ZNF440: variants seen among roughly 807,000 people sequenced by gnomAD.
ZNF440 encodes zinc finger protein 440.
ZNF440 carries 47 observed loss-of-function variants against 49.7 expected under a neutral mutation model. The ratio of observed to expected loss-of-function variants is 0.95; its 90% CI spans 0.75 to 1.21. The LOEUF (loss-of-function observed/expected upper bound fraction) is 1.21. Among genes scored for constraint, ZNF440 ranks in the 50% most tolerant of loss-of-function variants. ZNF440 has a pLI of 0.00. For missense variants in ZNF440, 703 were observed against 715.0 expected, an observed-to-expected ratio of 0.98 and a Z score of 0.19; for synonymous variants, 255 against 237.7, an observed-to-expected ratio of 1.07 and a Z score of -0.67.
chr19:11,831,694 C>T lies in ZNF440; in HGVS notation c.518C>T (p.Ala173Val), dbSNP rs745789303. 10 of 1,613,418 alleles carry T rather than the reference C, an allele frequency of 6.2e-6. No individual in the cohort carries two copies. The highest frequency in any genetic ancestry group is 1.3e-5 in the African/African-American group (1 of 74,896). Residue 173 changes from alanine (A) to valine (V), a missense_variant, in exon 4 of 4, where the codon GCT becomes GTT. Transcript: ENST00000304060. ...GATCACACTGGAGAGAAACCCAATG[C>T]TTGTAAAGTATGTGGAAAAACCTTT... ...ERDHTGEKPN[A>V]CKVCGKTFIS...
At chr19:11,830,591 C>A (rs190069989) in intron 2 of ZNF440, 26 bp from the exon 3 acceptor site, 26 of 1,612,358 alleles carry the variant, frequency 1.6e-5, no homozygotes, top group East Asian at 2.2e-5. Flanking sequence ...TGCCTCAGGA[C>A]TATTTTTTCT....
At chr19:11,830,570 C>T (rs752765687) in intron 2 of ZNF440, 47 bp from the exon 3 acceptor site, 42 of 1,602,158 alleles carry the variant, frequency 2.6e-5, no homozygotes, top group Non-Finnish European at 3.4e-5. Flanking sequence ...AATTTTTTCA[C>T]AATTTTATAC....
intron 3 of ZNF440, 47 bp from the exon 4 acceptor site, chr19:11,831,321 A>G (rs1265049725): frequency 6.4e-7 from 1 of 1,569,864 alleles, no homozygotes; most frequent in Non-Finnish European, 8.6e-7. Context: ...TTAATATAGA[A>G]GTACTTATAA....
chr19:11,816,610 A>T (rs902315794), intron 1 of ZNF440: 1 of 152,174 alleles, frequency 6.6e-6, no homozygotes, highest in African/African-American at 2.4e-5. Context: ...AGAGCCAGTC[A>T]CTTCACTTAG....
chr19:11,823,615 T>TA (rs1351368569), intron 1 of ZNF440, among the ~76,000 whole-genome samples: 3 of 152,164 alleles, frequency 2.0e-5, no homozygotes, highest in Non-Finnish European at 4.4e-5. Context: ...TTTTGCATAA[T>TA]AATCATTTTA....
intron 1 of ZNF440, among the ~76,000 whole-genome samples, chr19:11,814,968 C>G (rs1288932222): frequency 6.6e-6 from 1 of 151,990 alleles, no homozygotes; most frequent in African/African-American, 2.4e-5. Flanking sequence ...ACTCGATAGG[C>G]TAAGGTTTAA....
rs1472129319 is a variant in ZNF440 at position 11,832,163 on chromosome 19, A to G, written c.987A>G (p.Thr329=). The change falls in exon 4 of 4, where the codon ACA becomes ACG. Residue 329 remains threonine, a synonymous_variant. Transcript: ENST00000304060. ...KALSSLTSFQ[T]HVRLHSGERP... Reference sequence around the variant, plus strand: ...TATCCTCTCTTACAAGTTTTCAAACACACGTAAGATTGCACTCTGGAGAAA... The same window carrying G: ...TATCCTCTCTTACAAGTTTTCAAACGCACGTAAGATTGCACTCTGGAGAAA... 2 of 1,614,238 alleles carry G rather than the reference A, an allele frequency of 1.2e-6. No homozygotes were observed. The highest frequency in any genetic ancestry group is 1.7e-5 in the Admixed American group (1 of 60,030).
chr19:11,830,330 G>A lies in ZNF440; in HGVS notation c.51G>A (p.Glu17=). The change falls in exon 2 of 4, where the codon GAG becomes GAA. Residue 17 remains glutamate (E), a synonymous_variant. Coordinates refer to ENST00000304060, the MANE Select transcript of ZNF440 (RefSeq NM_152357.3). ...KDVAVNFTQE[E]WALLDISQRK... ...TGGCTGTGAACTTCACCCAGGAGGA[G>A]TGGGCTTTGCTGGATATTTCCCAGA... The A allele has an allele frequency of 1.2e-6, 2 of 1,614,220 alleles. No individual in the cohort carries two copies. Among genetic ancestry groups the A allele is most frequent in the Middle Eastern group, 1.6e-4 (1 of 6,062 alleles).
Position 11,831,593 on chromosome 19 carries a change from T to C in ZNF440, c.417T>C (p.Tyr139=), listed in dbSNP as rs1568243532. 6.2e-7 allele frequency: 1 copy of C among 1,614,140 alleles called. No homozygotes were observed. Among genetic ancestry groups the C allele is most frequent in the East Asian group, 2.2e-5 (1 of 44,862 alleles). Residue 139 remains tyrosine (Y), a synonymous_variant, in exon 4 of 4, where the codon TAT becomes TAC. Transcript: ENST00000304060. ...ACAAGGCATATGAGTATCAGGAATATGGACCAAAGCCATGTAAGTGTCAAC... is the reference window on the plus strand; with the variant it reads ...ACAAGGCATATGAGTATCAGGAATACGGACCAAAGCCATGTAAGTGTCAAC... ...IGHKAYEYQE[Y]GPKPCKCQQP...
Position 11,831,562 on chromosome 19 carries a change from T to G in ZNF440, c.386T>G (p.Ile129Ser), listed in dbSNP as rs778691104. ...TTTAATATGAACATCAGAGGTGACA[T>G]TGGACACAAGGCATATGAGTATCAG... ...SSFNMNIRGD[I>S]GHKAYEYQEY... The change falls in exon 4 of 4, where the codon ATT (isoleucine) becomes AGT (serine). Residue 129 changes from isoleucine to serine, a missense_variant. Coordinates refer to ENST00000304060, the MANE Select transcript of ZNF440 (RefSeq NM_152357.3). 1.9e-6 allele frequency: 3 copies of G among 1,614,064 alleles called. No homozygotes were observed. Among genetic ancestry groups the G allele is most frequent in the Non-Finnish European group, 1.7e-6 (2 of 1,179,992 alleles).
chr19:11,830,231 C>A lies in ZNF440; in HGVS notation c.4-52C>A, dbSNP rs533020038. 4 of 1,611,288 alleles carry A rather than the reference C, an allele frequency of 2.5e-6. No individual in the cohort carries two copies. The South Asian group carries it at 4.4e-5, about 18-fold the overall frequency. On this transcript the variant is annotated intron_variant, in intron 1 of 3. Transcript: ENST00000304060. ...ACTTCTTGGGAATAGAGTCTAGGCC[C>A]CCAGTGCTGTCACTCTCACCCATCT... is the stretch of plus-strand genomic sequence containing the variant.
At chr19:11,827,295 C>T (rs1036966452) in intron 1 of ZNF440, among the ~76,000 whole-genome samples, 2 of 152,020 alleles carry the variant, frequency 1.3e-5, no homozygotes, top group African/African-American at 4.8e-5. Context: ...AACTCCTGAC[C>T]TCGGTGATCC....
chr19:11,830,998 G>A (rs1007101977), intron 3 of ZNF440, among the ~76,000 whole-genome samples: 1 of 152,162 alleles, frequency 6.6e-6, no homozygotes, highest in Non-Finnish European at 1.5e-5. Context: ...CTACTCAGGA[G>A]GCTGAGTGAG....
chr19:11,832,888 T>TG lies in ZNF440; in HGVS notation c.1713dup (p.His572AlafsTer161), dbSNP rs1251962574. 6.2e-7 allele frequency: 1 copy of TG among 1,612,978 alleles called. No homozygotes were observed. Among genetic ancestry groups the TG allele is most frequent in the East Asian group, 2.2e-5 (1 of 44,854 alleles). ...GGACACACAATGGAGAGAAGCCCTATGCATGTAAGGAATGTGGGAAACCCT... is the reference window on the plus strand; with the variant it reads ...GGACACACAATGGAGAGAAGCCCTATGGCATGTAAGGAATGTGGGAAACCCT... On this transcript the variant is annotated frameshift_variant, in exon 4 of 4. Coordinates refer to ENST00000304060, the MANE Select transcript of ZNF440 (RefSeq NM_152357.3). LOFTEE classifies it high-confidence loss of function.
In ZNF440 at chr19:11,828,306, C is replaced by T. The variant is rs970961604; in HGVS notation, c.4-1977C>T. Among the ~76,000 whole-genome samples, 16 of 7,162 alleles carry T rather than the reference C, an allele frequency of 2.2e-3. No homozygotes were observed. In the African/African-American group the frequency reaches 0.027, roughly 12 times the overall value. The allele number at this position is 7,162 out of a possible 152,430, so 4.7% of individuals were successfully genotyped here. On this transcript the variant is annotated intron_variant, in intron 1 of 3. Coordinates refer to ENST00000304060, the MANE Select transcript of ZNF440 (RefSeq NM_152357.3). ...CCTCCCAGATTCAAATGATTCTCCA[C>T]GTCCCAGTCAAGTGACTGGGACTAC...
In ZNF440 at chr19:11,825,617, A is replaced by G. The variant is rs192872251; in HGVS notation, c.4-4666A>G. On this transcript the variant is annotated intron_variant, in intron 1 of 3. Transcript: ENST00000304060. ...TAAAAATATGCTTTGAAGGTCTCTA[A>G]ATACCTTTGTTGCTTGACAACTCAT... is the stretch of plus-strand genomic sequence containing the variant. 5.6e-3 allele frequency among the ~76,000 whole-genome samples: 853 copies of G among 152,124 alleles called. 8 individuals carry two copies. Among genetic ancestry groups the G allele is most frequent in the African/African-American group, 0.02 (816 of 41,474 alleles).
chr19:11,831,997 A>C lies in ZNF440; in HGVS notation c.821A>C (p.His274Pro). ...AFHSPRSYRRHERIHMGEKAY... is the reference protein window; with the variant it reads ...AFHSPRSYRRPERIHMGEKAY... Reference sequence around the variant, plus strand: ...CATAGTCCCAGATCCTATCGTAGACATGAAAGGATTCACATGGGAGAAAAG... The same window carrying C: ...CATAGTCCCAGATCCTATCGTAGACCTGAAAGGATTCACATGGGAGAAAAG... The change falls in exon 4 of 4, where the codon CAT (histidine) becomes CCT (proline). Residue 274 changes from histidine to proline, a missense_variant. By Grantham distance (77) the His-to-Pro change is moderately conservative. Transcript: ENST00000304060. 1 of 1,614,136 alleles carries C rather than the reference A, an allele frequency of 6.2e-7. No individual in the cohort carries two copies. The highest frequency in any genetic ancestry group is 2.2e-5 in the East Asian group (1 of 44,862).
rs1975983408 is a variant in ZNF440, at chr19:11,833,711, T to G, written c.*747T>G. ...TTTCTTCTAGTTCCCTTCAATATCA[T>G]GAAAGGACTCACACTGGAGAGAAGC... is the stretch of plus-strand genomic sequence containing the variant. On this transcript the variant is annotated 3_prime_UTR_variant, in exon 4 of 4. Coordinates refer to ENST00000304060, the MANE Select transcript of ZNF440 (RefSeq NM_152357.3). The G allele has an allele frequency of 1.5e-6, 1 of 683,590 alleles. No individual in the cohort carries two copies. Among genetic ancestry groups the G allele is most frequent in the South Asian group, 2.0e-5 (1 of 49,846 alleles). The allele number at this position is 683,590 out of a possible 1,614,324, so 42.3% of individuals were successfully genotyped here. A position where few individuals can be genotyped will look rare whatever the true frequency, so the allele number is the denominator to read the frequency against.
At position 11,832,173 on chromosome 19, in the gene ZNF440, T is replaced by C. The variant is rs749853343; in HGVS notation, c.997T>C (p.Leu333=). The C allele has an allele frequency of 1.3e-5, 21 of 1,614,012 alleles. No homozygotes were observed. The highest frequency in any genetic ancestry group is 1.6e-5 in the Non-Finnish European group (19 of 1,180,008). ...SLTSFQTHVR[L]HSGERPYECK... is the part of the protein sequence containing the mutation. ...TACAAGTTTTCAAACACACGTAAGATTGCACTCTGGAGAAAGACCTTATGA... is the reference window on the plus strand; with the variant it reads ...TACAAGTTTTCAAACACACGTAAGACTGCACTCTGGAGAAAGACCTTATGA... The change falls in exon 4 of 4, where the codon TTG becomes CTG. Residue 333 remains leucine, a synonymous_variant. Coordinates refer to ENST00000304060, the MANE Select transcript of ZNF440 (RefSeq NM_152357.3).
Sources: allele counts gnomAD v4.1 joint callset (sites outside exome capture counted in the v4.1 genomes callset), GRCh38; gene constraint gnomAD v4.1.1; transcripts MANE v1.5; gene names NCBI Gene and HGNC (gene_info 2026-07-23, HGNC 2026-07-21).